Variants in FKBP5 observed in about 807,000 individuals in gnomAD.
The protein encoded by FKBP5 is FKBP prolyl isomerase 5, also known as peptidyl-prolyl cis-trans isomerase FKBP5.
Under a neutral mutation model 50.5 loss-of-function variants are expected in FKBP5, and 23 were observed. The observed-to-expected ratio is 0.46, with a 90% CI of 0.33 to 0.65. FKBP5 has a LOEUF of 0.65. FKBP5 is among the 30% of genes least tolerant of loss of function. The pLI is 0.02. For synonymous variants in FKBP5, 176 were observed against 190.6 expected (o/e 0.92, Z 0.63); for missense variants, 411 against 553.1 (o/e 0.74, Z 2.58).
At position 35,575,871 on chromosome 6, in the gene FKBP5, TTGAC is replaced by T; in HGVS notation, c.1334_1337del (p.Ser445LysfsTer23). 6.2e-7 allele frequency: 1 copy of T among 1,614,134 alleles called. No homozygotes were observed. The highest frequency in any genetic ancestry group is 1.3e-5 in the African/African-American group (1 of 75,058). ...CCTCAGGTTTCTCTTCTTCCATTGC[TTGAC>T]TGTCTGTTCCTTTTTCATTAGTGAC... is the stretch of plus-strand genomic sequence containing the variant. On this transcript the variant is annotated frameshift_variant, in exon 11 of 11. Transcript: ENST00000357266. LOFTEE classifies it high-confidence loss of function.
intron 3 of FKBP5, among the ~76,000 whole-genome samples, chr6:35,631,712 T>C (rs1764160603): frequency 6.6e-6 from 1 of 152,096 alleles, no homozygotes; most frequent in Non-Finnish European, 1.5e-5. Flanking sequence ...ATCTCAGCAC[T>C]TTGGGAGGCC....
At chr6:35,633,586 A>G (rs1304828769) in intron 3 of FKBP5, among the ~76,000 whole-genome samples, 2 of 151,848 alleles carry the variant, frequency 1.3e-5, no homozygotes, top group Non-Finnish European at 2.9e-5. Context: ...ACAAAACTAT[A>G]AACTGCCTAA....
Position 35,637,041 on chromosome 6 carries a change from C to A in FKBP5, c.223G>T (p.Glu75Ter). 1 of 1,603,824 alleles carries A rather than the reference C, an allele frequency of 6.2e-7. No homozygotes were observed. The highest frequency in any genetic ancestry group is 2.2e-5 in the East Asian group (1 of 44,670). The part of the protein sequence containing the change: ...KKFDSSHDRN[E>*]PFVFSLGKGQ... ...TTGCCAAGACTAAAGACAAATGGTT[C>A]ATTTCTATCATGACTGGAATCAAAC... is the stretch of plus-strand genomic sequence containing the variant. The change falls in exon 3 of 11, where the codon GAA (glutamate) becomes TAA (stop). Residue 75 changes from glutamate (E) to a stop codon, truncating the protein, a stop_gained. Transcript: ENST00000357266. LOFTEE classifies it high-confidence loss of function.
intron 5 of FKBP5, among the ~76,000 whole-genome samples, chr6:35,602,960 T>C (rs748034529): frequency 6.6e-6 from 1 of 152,192 alleles, no homozygotes; most frequent in Non-Finnish European, 1.5e-5. Flanking sequence ...CACACCACTA[T>C]AGCACTTGAG....
chr6:35,710,184 G>C (rs1766389168), intron 2 of FKBP5, among the ~76,000 whole-genome samples: 1 of 152,174 alleles, frequency 6.6e-6, no homozygotes, highest in South Asian at 2.1e-4. Context: ...CTAACCAGAA[G>C]TGCAAAACAT....
chr6:35,592,196 C>G (rs1197754541), intron 6 of FKBP5, among the ~76,000 whole-genome samples: 1 of 152,190 alleles, frequency 6.6e-6, no homozygotes, highest in Non-Finnish European at 1.5e-5. Flanking sequence ...TTAGTAAACT[C>G]AAGCTTTCAA....
At position 35,637,710 on chromosome 6, in the gene FKBP5, C is replaced by T. The variant is rs1027509888; in HGVS notation, c.106-552G>A. On this transcript the variant is annotated intron_variant, in intron 2 of 10. Transcript: ENST00000357266. ...AACTCCTGACCTCGTGATCCACCCGCCTCAGCCTCCCAAAGTGCTGGGATT... is the reference window on the plus strand; with the variant it reads ...AACTCCTGACCTCGTGATCCACCCGTCTCAGCCTCCCAAAGTGCTGGGATT... Among the ~76,000 whole-genome samples the T allele has an allele frequency of 4.6e-5, 7 of 152,262 alleles. No individual in the cohort carries two copies. In the South Asian group the frequency reaches 1.0e-3, roughly 23 times the overall value.
At chr6:35,583,266 T>C in intron 8 of FKBP5, 3 of 985,398 alleles carry the variant, frequency 3.0e-6, no homozygotes, top group Non-Finnish European at 3.6e-6. Flanking sequence ...TAACTTAACT[T>C]TTCTGATTAT....
At chr6:35,608,416 G>C (rs931589722) in intron 5 of FKBP5, among the ~76,000 whole-genome samples, 1 of 152,174 alleles carries the variant, frequency 6.6e-6, no homozygotes, top group Non-Finnish European at 1.5e-5. Context: ...AAGGCAGCTG[G>C]TTGTGGTAGT....
At chr6:35,583,384 T>G in intron 8 of FKBP5, 2 of 985,446 alleles carry the variant, frequency 2.0e-6, no homozygotes, top group Non-Finnish European at 2.4e-6. Flanking sequence ...AAGGCCATGG[T>G]AAAACAAAAC....
At chr6:35,687,853 C>G (rs1765875545) in intron 1 of FKBP5, among the ~76,000 whole-genome samples, 1 of 152,216 alleles carries the variant, frequency 6.6e-6, no homozygotes, top group Admixed American at 6.5e-5. Flanking sequence ...CACTGCAGAA[C>G]CCGATTTTAG....
chr6:35,613,419 T>A (rs1763551487), intron 5 of FKBP5, among the ~76,000 whole-genome samples: 1 of 152,214 alleles, frequency 6.6e-6, no homozygotes, highest in Non-Finnish European at 1.5e-5. Flanking sequence ...TTTTGCCATG[T>A]TGGCCAGACT....
intron 7 of FKBP5, among the ~76,000 whole-genome samples, chr6:35,589,459 A>C (rs1300174539): frequency 6.6e-6 from 1 of 152,056 alleles, no homozygotes; most frequent in African/African-American, 2.4e-5. Context: ...AAGGCAGAGG[A>C]TTAAATCACA....
intron 9 of FKBP5, among the ~76,000 whole-genome samples, chr6:35,577,589 C>G (rs1014077787): frequency 1.3e-5 from 2 of 152,226 alleles, no homozygotes; most frequent in African/African-American, 4.8e-5. Flanking sequence ...GAAATTAAGA[C>G]AGTTTGGTTA....
intron 1 of FKBP5, among the ~76,000 whole-genome samples, chr6:35,673,683 G>A (rs567423262): frequency 6.6e-6 from 1 of 152,146 alleles, no homozygotes; most frequent in Admixed American, 6.5e-5. Flanking sequence ...TGGAGACTTG[G>A]TTTTAAGTAT....
intron 5 of FKBP5, among the ~76,000 whole-genome samples, chr6:35,597,645 G>A (rs7753746): frequency 0.85 from 128,777 of 152,144 alleles, 54,637 homozygotes; most frequent in African/African-American, 0.89. Flanking sequence ...ACAGTTTAGT[G>A]GGTAACAAAC....
Position 35,674,081 on chromosome 6 carries a change from G to A in FKBP5, c.-20+14723C>T, listed in dbSNP as rs1157029329. 2.6e-5 allele frequency among the ~76,000 whole-genome samples: 4 copies of A among 152,154 alleles called. No homozygotes were observed. The East Asian group carries it at 7.7e-4, about 29-fold the overall frequency. ...TCCACCTTATGGCTTGATGATTTAG[G>A]ATCTAGACTGGGGTTTTGAGGACAG... On this transcript the variant is annotated intron_variant, in intron 1 of 10. Transcript: ENST00000357266.
intron 3 of FKBP5, among the ~76,000 whole-genome samples, chr6:35,624,216 A>G (rs913797335): frequency 3.3e-5 from 5 of 152,200 alleles, no homozygotes; most frequent in African/African-American, 1.2e-4. Flanking sequence ...TGCTGTTTGA[A>G]GCTGGCCTAG....
At chr6:35,638,580 G>A (rs1764387083) in intron 2 of FKBP5, among the ~76,000 whole-genome samples, 1 of 151,918 alleles carries the variant, frequency 6.6e-6, no homozygotes, top group Non-Finnish European at 1.5e-5. Flanking sequence ...ACCACGCCTG[G>A]CAAATTTTTT....
Sources: allele counts gnomAD v4.1 joint callset (sites outside exome capture counted in the v4.1 genomes callset), GRCh38; gene constraint gnomAD v4.1.1; transcripts MANE v1.5; gene names NCBI Gene and HGNC (gene_info 2026-07-23, HGNC 2026-07-21).